MGAT5: variants seen among roughly 807,000 people sequenced by gnomAD.
The protein encoded by MGAT5 is alpha-1,6-mannosylglycoprotein 6-beta-N-acetylglucosaminyltransferase.
Under a neutral mutation model 94.3 loss-of-function variants are expected in MGAT5, and 30 were observed. The observed-to-expected ratio is 0.32, with a 90% CI of 0.24 to 0.43. The LOEUF (loss-of-function observed/expected upper bound fraction) is 0.43, where lower values mean the gene tolerates loss of function less well. MGAT5 is among the 20% of genes least tolerant of loss of function. The pLI, the probability that MGAT5 is intolerant of heterozygous loss-of-function variation, is 1.00. For synonymous variants in MGAT5, 310 were observed against 322.9 expected, an observed-to-expected ratio of 0.96 and a Z score of 0.43; for missense variants, 691 against 905.5, an observed-to-expected ratio of 0.76 and a Z score of 3.04.
chr2:134,391,418 T>A (rs1682401018), intron 10 of MGAT5, among the ~76,000 whole-genome samples: 1 of 152,176 alleles, frequency 6.6e-6, no homozygotes, highest in Non-Finnish European at 1.5e-5. Flanking sequence ...CTAGGTGACT[T>A]ATAAATAGCA....
chr2:134,441,990 G>GAAACC, intron 15 of MGAT5, 75 bp downstream of exon 15: 1 of 1,532,566 alleles, frequency 6.5e-7, no homozygotes, highest in Non-Finnish European at 8.9e-7. Flanking sequence ...CAGGTGAGAG[G>GAAACC]TACAGGTTTC....
intron 1 of MGAT5, among the ~76,000 whole-genome samples, chr2:134,239,368 C>T (rs1309257652): frequency 4.6e-5 from 7 of 152,202 alleles, no homozygotes; most frequent in African/African-American, 1.7e-4. Flanking sequence ...GGGGCTGTCA[C>T]CTTTGTTGGG....
intron 1 of MGAT5, among the ~76,000 whole-genome samples, chr2:134,166,465 C>T (rs555095541): frequency 1.3e-4 from 20 of 152,302 alleles, no homozygotes; most frequent in African/African-American, 4.8e-4. Flanking sequence ...GAGCCAATTC[C>T]ATTGTTTCCT....
rs538360601 is a variant in MGAT5, at chr2:134,232,311, AC to A, written c.-142-21950del. On this transcript the variant is annotated intron_variant, in intron 1 of 16. Transcript: ENST00000409645. ...CAATATCAAATATGGTGGCCTCAGC[AC>A]TGTTAAATGTCTTCAGTGATTTACC... 1.2e-3 allele frequency among the ~76,000 whole-genome samples: 185 copies of A among 152,280 alleles called. 1 individual carries two copies. The highest frequency in any genetic ancestry group is 4.2e-3 in the African/African-American group (175 of 41,554).
chr2:134,376,806 C>T (rs1013015615), intron 10 of MGAT5, among the ~76,000 whole-genome samples: 2 of 152,124 alleles, frequency 1.3e-5, no homozygotes, highest in African/African-American at 2.4e-5. Context: ...TTCTGTAGGA[C>T]CGTGATCCAA....
At position 134,362,456 on chromosome 2, in the gene MGAT5, G is replaced by T. The variant is rs199609566; in HGVS notation, c.1380+48G>T. The T allele has an allele frequency of 4.4e-6, 7 of 1,595,660 alleles. No individual in the cohort carries two copies. In the Admixed American group the frequency reaches 8.7e-5, roughly 20 times the overall value. On this transcript the variant is annotated intron_variant, in intron 10 of 15. Transcript: ENST00000281923. The stretch of plus-strand genomic sequence containing the variant: ...CTCTCTCTGAAAAGAAGCTTGTTGG[G>T]TAATTTAATTTAACTTTGATCCAGG...
chr2:134,271,218 C>A (rs1436817773), intron 2 of MGAT5, among the ~76,000 whole-genome samples: 6 of 114,592 alleles, frequency 5.2e-5, no homozygotes, highest in South Asian at 3.3e-4. Context: ...CACATTAGAA[C>A]CCCCCCATCC....
intron 2 of MGAT5, among the ~76,000 whole-genome samples, chr2:134,295,213 C>T (rs1685603027): frequency 1.0e-5 from 1 of 99,396 alleles, no homozygotes; most frequent in Admixed American, 1.1e-4. Flanking sequence ...TTCGAAGATG[C>T]CAGAAAAGAA....
At chr2:134,348,449 G>T (rs543979931) in intron 8 of MGAT5, among the ~76,000 whole-genome samples, 1 of 152,168 alleles carries the variant, frequency 6.6e-6, no homozygotes, top group South Asian at 2.1e-4. Context: ...TGGCCTTGAC[G>T]AATGGTAGTG....
intron 1 of MGAT5, among the ~76,000 whole-genome samples, chr2:134,171,729 T>G (rs1453263069): frequency 6.6e-6 from 1 of 152,168 alleles, no homozygotes; most frequent in Non-Finnish European, 1.5e-5. Flanking sequence ...GTCCTTGTCC[T>G]TGTGATTTCA....
chr2:134,408,005 A>G (rs991708377), intron 11 of MGAT5, among the ~76,000 whole-genome samples: 2 of 152,232 alleles, frequency 1.3e-5, no homozygotes, highest in East Asian at 1.9e-4. Context: ...ACTAGGCCCT[A>G]TGCTAAGCCC....
At chr2:134,334,014 G>A (rs1208334453) in intron 4 of MGAT5, among the ~76,000 whole-genome samples, 1 of 147,910 alleles carries the variant, frequency 6.8e-6, no homozygotes, top group Non-Finnish European at 1.5e-5. Context: ...TTCCCGCTCT[G>A]TGCTAAGATG....
chr2:134,405,813 T>C (rs1365386236), intron 11 of MGAT5, among the ~76,000 whole-genome samples: 1 of 152,232 alleles, frequency 6.6e-6, no homozygotes, highest in Non-Finnish European at 1.5e-5. Context: ...TAGGAAACCC[T>C]CTGCTCAGCA....
At chr2:134,296,458 T>C (rs918505648) in intron 2 of MGAT5, among the ~76,000 whole-genome samples, 6 of 152,176 alleles carry the variant, frequency 3.9e-5, no homozygotes, top group Non-Finnish European at 8.8e-5. Context: ...ATATTCTTTT[T>C]TTTTCCTTTG....
Position 134,431,776 on chromosome 2 carries a change from G to C in MGAT5, c.1869+3337G>C, listed in dbSNP as rs934503778. On this transcript the variant is annotated intron_variant, in intron 14 of 15. Coordinates refer to ENST00000281923, the MANE Select transcript of MGAT5 (RefSeq NM_002410.5). ...TTGTCCGTCATGCTCAGCCAAGGCA[G>C]TGGGAGCCAGACGGAGCCAACAGAC... 3.3e-5 allele frequency among the ~76,000 whole-genome samples: 5 copies of C among 151,102 alleles called. No individual in the cohort carries two copies. The East Asian group carries it at 9.8e-4, about 30-fold the overall frequency.
intron 2 of MGAT5, among the ~76,000 whole-genome samples, chr2:134,316,609 A>G (rs779879567): frequency 2.2e-4 from 34 of 152,154 alleles, no homozygotes; most frequent in Non-Finnish European, 4.9e-4. Flanking sequence ...TTTATAGGGC[A>G]CTTAGTGATA....
intron 2 of MGAT5, among the ~76,000 whole-genome samples, chr2:134,282,244 C>CCATT: frequency 6.6e-6 from 1 of 152,314 alleles, no homozygotes. Context: ...GGGCAGAAGG[C>CCATT]CATTATTAGC....
chr2:134,150,616 TAAGAG>T (rs1187747314), intron 1 of MGAT5, among the ~76,000 whole-genome samples: 2 of 152,204 alleles, frequency 1.3e-5, no homozygotes, highest in African/African-American at 2.4e-5. Context: ...TCTCAGAGAT[TAAGAG>T]AAGAGTGGCT....
intron 1 of MGAT5, among the ~76,000 whole-genome samples, chr2:134,149,112 T>A (rs1054548092): frequency 6.6e-6 from 1 of 152,100 alleles, no homozygotes; most frequent in Non-Finnish European, 1.5e-5. Flanking sequence ...AGGCTTAATT[T>A]AGGAGTAACT....
Sources: gnomAD v4.1 joint callset for allele counts (sites outside exome capture counted in the v4.1 genomes callset) on GRCh38, gnomAD v4.1.1 for gene constraint, MANE v1.5 for transcripts, NCBI Gene and HGNC (gene_info 2026-07-23, HGNC 2026-07-21) for gene names.